Variants in EPB41L4A observed in about 807,000 individuals in gnomAD.
EPB41L4A encodes erythrocyte membrane protein band 4.1 like 4A.
Under a neutral mutation model 108.6 loss-of-function variants are expected in EPB41L4A, and 100 were observed. That is an observed-to-expected ratio of 0.92 (90% CI 0.78 to 1.09). The LOEUF (loss-of-function observed/expected upper bound fraction) is 1.09, where lower values mean the gene tolerates loss of function less well. Among genes scored for constraint, EPB41L4A ranks in the 50% least tolerant of loss-of-function variants. The pLI is 0.00. For missense variants in EPB41L4A, 1,030 were observed against 842.7 expected, an observed-to-expected ratio of 1.22 and a Z score of -2.75; for synonymous variants, 319 against 289.0, an observed-to-expected ratio of 1.10 and a Z score of -1.05.
chr5:112,200,216 T>C (rs1561469507), intron 15 of EPB41L4A, among the ~76,000 whole-genome samples: 1 of 152,222 alleles, frequency 6.6e-6, no homozygotes, highest in Non-Finnish European at 1.5e-5. Context: ...CTATCTGGTA[T>C]GATTGCTCCT....
chr5:112,246,949 C>A (rs1189465657), intron 9 of EPB41L4A, among the ~76,000 whole-genome samples: 1 of 152,194 alleles, frequency 6.6e-6, no homozygotes, highest in Non-Finnish European at 1.5e-5. Context: ...GTCTCCCTGG[C>A]ATGTCCTTAA....
chr5:112,369,295 T>G (rs1365550708), intron 1 of EPB41L4A, among the ~76,000 whole-genome samples: 2 of 152,230 alleles, frequency 1.3e-5, no homozygotes. Flanking sequence ...TTATCTCTTG[T>G]GTGGACCACA....
At chr5:112,269,083 T>C (rs748627526) in intron 4 of EPB41L4A, among the ~76,000 whole-genome samples, 8 of 152,108 alleles carry the variant, frequency 5.3e-5, no homozygotes, top group Non-Finnish European at 1.2e-4. Flanking sequence ...CAGCACATAG[T>C]AGCTGCTTAA....
chr5:112,290,486 A>G (rs1021231058), intron 2 of EPB41L4A, among the ~76,000 whole-genome samples: 1 of 152,208 alleles, frequency 6.6e-6, no homozygotes, highest in Non-Finnish European at 1.5e-5. Context: ...TAGGGATCAC[A>G]GATTCCTTGA....
intron 1 of EPB41L4A, among the ~76,000 whole-genome samples, chr5:112,370,411 AT>A (rs1759420196): frequency 6.6e-6 from 1 of 151,908 alleles, no homozygotes; most frequent in Non-Finnish European, 1.5e-5. Flanking sequence ...CTTTAAAAAT[AT>A]TTTTCCTGTC....
At chr5:112,395,512 T>C (rs1761269427) in intron 1 of EPB41L4A, among the ~76,000 whole-genome samples, 1 of 152,284 alleles carries the variant, frequency 6.6e-6, no homozygotes, top group East Asian at 1.9e-4. Context: ...TCATCACTGG[T>C]CATCGGAGAA....
intron 1 of EPB41L4A, among the ~76,000 whole-genome samples, chr5:112,364,414 G>C (rs1758988900): frequency 6.6e-6 from 1 of 152,130 alleles, no homozygotes. Context: ...CAGTTTTATT[G>C]CCTTGATCTG....
chr5:112,200,233 T>C (rs1250673591), intron 15 of EPB41L4A, among the ~76,000 whole-genome samples: 2 of 152,298 alleles, frequency 1.3e-5, no homozygotes, highest in Non-Finnish European at 2.9e-5. Context: ...TCCTTTCTTT[T>C]AGCCTGTTTG....
downstream of EPB41L4A, chr5:112,160,950 C>A (rs1428844029): frequency 6.4e-6 from 1 of 156,340 alleles, no homozygotes; most frequent in Non-Finnish European, 1.5e-5. Context: ...TGGTCTCTCA[C>A]GCAGGGGCGC....
At chr5:112,343,383 T>C (rs777450067) in intron 1 of EPB41L4A, among the ~76,000 whole-genome samples, 17 of 152,178 alleles carry the variant, frequency 1.1e-4, no homozygotes, top group Non-Finnish European at 2.2e-4. Context: ...ACTTACCAGC[T>C]GTGTTATATT....
chr5:112,198,500 T>A (rs762798212), intron 15 of EPB41L4A, among the ~76,000 whole-genome samples: 1 of 152,214 alleles, frequency 6.6e-6, no homozygotes, highest in Non-Finnish European at 1.5e-5. Context: ...TTATGTCAAA[T>A]GCTTAGTGGG....
At chr5:112,260,043 T>C (rs536576375) in intron 7 of EPB41L4A, 64 bp from the exon 8 acceptor site, 41 of 1,178,772 alleles carry the variant, frequency 3.5e-5, no homozygotes, top group Non-Finnish European at 4.9e-5. Context: ...CAAACTATAA[T>C]TGACCATACA....
intron 18 of EPB41L4A, among the ~76,000 whole-genome samples, chr5:112,183,570 T>C (rs1233975719): frequency 1.3e-5 from 2 of 152,164 alleles, no homozygotes; most frequent in African/African-American, 4.8e-5. Context: ...ATTCCAACAC[T>C]GAGGTGTAAT....
intron 18 of EPB41L4A, among the ~76,000 whole-genome samples, chr5:112,181,774 T>A (rs1580381329): frequency 6.6e-6 from 1 of 152,292 alleles, no homozygotes; most frequent in Non-Finnish European, 1.5e-5. Context: ...AAACTCATCA[T>A]AGATATCAGA....
At chr5:112,245,323 G>A (rs975261023) in intron 9 of EPB41L4A, among the ~76,000 whole-genome samples, 16 of 152,036 alleles carry the variant, frequency 1.1e-4, no homozygotes, top group Non-Finnish European at 1.6e-4. Flanking sequence ...AGGTTTCTAC[G>A]GACTCATAAA....
At chr5:112,174,952 C>T (rs1448509888) in intron 18 of EPB41L4A, among the ~76,000 whole-genome samples, 1 of 152,082 alleles carries the variant, frequency 6.6e-6, no homozygotes, top group Non-Finnish European at 1.5e-5. Context: ...ACTCTTCTCC[C>T]TCCCCCTCCA....
intron 1 of EPB41L4A, among the ~76,000 whole-genome samples, chr5:112,369,432 G>C (rs1225169480): frequency 1.3e-5 from 2 of 152,120 alleles, no homozygotes; most frequent in African/African-American, 4.8e-5. Context: ...CCCTTAAAAA[G>C]ATCTTTCATT....
At chr5:112,354,936 A>C (rs570578744) in intron 1 of EPB41L4A, among the ~76,000 whole-genome samples, 1 of 152,322 alleles carries the variant, frequency 6.6e-6, no homozygotes, top group African/African-American at 2.4e-5. Flanking sequence ...TTTATGTGTA[A>C]CTCTGGAAAG....
intron 1 of EPB41L4A, among the ~76,000 whole-genome samples, chr5:112,370,931 T>C (rs1333427925): frequency 6.6e-6 from 1 of 152,152 alleles, no homozygotes; most frequent in Non-Finnish European, 1.5e-5. Context: ...AGAATGAGAC[T>C]CTGTCTCAAA....
Sources: gnomAD v4.1 joint callset for allele counts (sites outside exome capture counted in the v4.1 genomes callset) on GRCh38, gnomAD v4.1.1 for gene constraint, MANE v1.5 for transcripts, NCBI Gene and HGNC (gene_info 2026-07-23, HGNC 2026-07-21) for gene names.